Variants in QTRT1 observed in about 807,000 individuals in gnomAD.
QTRT1 encodes the protein queuine tRNA-ribosyltransferase catalytic subunit 1, also known as TGT, 43-KD subunit.
Under a neutral mutation model 44.0 loss-of-function variants are expected in QTRT1, and 41 were observed. The ratio of observed to expected loss-of-function variants is 0.93; its 90% confidence interval spans 0.73 to 1.21. The LOEUF (loss-of-function observed/expected upper bound fraction) is 1.21, where lower values mean the gene tolerates loss of function less well. Among genes scored for constraint, QTRT1 ranks in the 50% most tolerant of loss-of-function variants. QTRT1 has a pLI of 0.00. For synonymous variants in QTRT1, 226 were observed against 237.1 expected (o/e 0.95, Z 0.43); for missense variants, 542 against 575.8 (o/e 0.94, Z 0.60).
intron 1 of QTRT1, 35 bp from the exon 2 acceptor site, chr19:10,701,915 C>T (rs1212594021): frequency 1.2e-6 from 2 of 1,611,884 alleles, no homozygotes; most frequent in Admixed American, 1.7e-5. Context: ...GGGACGCGGT[C>T]ACCCCTAACC....
chr19:10,705,840 C>CTT (rs71164114), intron 3 of QTRT1, among the ~76,000 whole-genome samples: 1,333 of 37,676 alleles, frequency 0.035, 372 homozygotes, highest in Non-Finnish European at 0.042. Context: ...CTGGCCTGTT[C>CTT]TTTTTTTTTT....
chr19:10,707,263 C>T (rs142968410), intron 3 of QTRT1, 39 bp from the exon 4 acceptor site: 24,065 of 1,602,566 alleles, frequency 0.015, 258 homozygotes, highest in Non-Finnish European at 0.018. Flanking sequence ...CCAAGCATTG[C>T]GGGCTTTCCC....
rs1298391079 is a variant in QTRT1, at chr19:10,702,123, G to T, written c.320G>T (p.Gly107Val). The change falls in exon 3 of 10, where the codon GGC becomes GTC. Residue 107 changes from glycine to valine, a missense_variant. Physicochemically the swap from Gly to Val is moderately radical, Grantham distance 109. Coordinates refer to ENST00000250237, the MANE Select transcript of QTRT1 (RefSeq NM_031209.3). ...NWPHNLLTDS[G>V]GFQMVSLVSL... is the part of the protein sequence containing the mutation. ...CGGTGGGGTTTCCCTTAGGACAGCG[G>T]CGGTTTCCAGATGGTGTCGCTGGTG... 92 of 1,614,044 alleles carry T rather than the reference G, an allele frequency of 5.7e-5. No individual in the cohort carries two copies. Among genetic ancestry groups the T allele is most frequent in the Non-Finnish European group, 7.6e-5 (90 of 1,180,044 alleles).
In QTRT1 at chr19:10,713,251, T is replaced by G; in HGVS notation, c.1193T>G (p.Val398Gly). ...TGGGCCACTGACGCTCTGGCCTCTG[T>G]GGGAATCACACTGGGCTGACCTGGC... ...PTWATDALAS[V>G]GITLG Residue 398 changes from valine (V) to glycine (G), a missense_variant, in exon 10 of 10, where the codon GTG (valine) becomes GGG (glycine). Val to Gly is a moderately radical substitution (Grantham distance 109). Coordinates refer to ENST00000250237, the MANE Select transcript of QTRT1 (RefSeq NM_031209.3). This position sits in a 1 kb window ranked among gnomAD's most constrained non-coding sequence, Gnocchi z 4.3. 6.3e-7 allele frequency: 1 copy of G among 1,592,718 alleles called. No homozygotes were observed. Among genetic ancestry groups the G allele is most frequent in the Non-Finnish European group, 8.5e-7 (1 of 1,169,604 alleles).
intron 3 of QTRT1, among the ~76,000 whole-genome samples, chr19:10,706,459 G>A (rs1028264713): frequency 2.0e-5 from 3 of 151,986 alleles, no homozygotes; most frequent in Non-Finnish European, 4.4e-5. Context: ...CGCAACCTCC[G>A]TCTTCCGGGT....
At chr19:10,704,801 G>A (rs1031452551) in intron 3 of QTRT1, among the ~76,000 whole-genome samples, 6 of 151,554 alleles carry the variant, frequency 4.0e-5, no homozygotes, top group African/African-American at 1.5e-4. Flanking sequence ...TGGTCAGGCT[G>A]GTCTTGAACT....
At chr19:10,711,869 T>C in intron 5 of QTRT1, 1 of 524,548 alleles carries the variant, frequency 1.9e-6, no homozygotes, top group Non-Finnish European at 3.4e-6. Flanking sequence ...GACTGTGGGC[T>C]GTGCCTCTTC....
At position 10,710,010 on chromosome 19, in the gene QTRT1, C is replaced by CA. The variant is rs917164878; in HGVS notation, c.647-2142dup. 1.9e-4 allele frequency among the ~76,000 whole-genome samples: 28 copies of CA among 149,254 alleles called. No homozygotes were observed. In the East Asian group the frequency reaches 4.9e-3, roughly 26 times the overall value. ...TGGGCGACAGAGCAAGAATCTGTCTCAAAAAAAAAGAAAAAAAGAAAATTA... is the reference window on the plus strand; with the variant it reads ...TGGGCGACAGAGCAAGAATCTGTCTCAAAAAAAAAAGAAAAAAAGAAAATTA... On this transcript the variant is annotated intron_variant, in intron 5 of 9. Transcript: ENST00000250237.
Position 10,712,512 on chromosome 19 carries a change from C to T in QTRT1, c.786-41C>T. The T allele has an allele frequency of 1.3e-6, 2 of 1,577,620 alleles. No homozygotes were observed. The highest frequency in any genetic ancestry group is 1.7e-6 in the Non-Finnish European group (2 of 1,147,242). On this transcript the variant is annotated intron_variant, in intron 6 of 9. Transcript: ENST00000250237. This position sits in a 1 kb window ranked among gnomAD's most constrained non-coding sequence, Gnocchi z 5.6. ...GGTTGGGAGGGGCCCTGGGAAGCCC[C>T]TGAGGTTCTCTGCCCCCTCCCGTCA...
chr19:10,705,450 G>A (rs900018714), intron 3 of QTRT1, among the ~76,000 whole-genome samples: 2 of 151,798 alleles, frequency 1.3e-5, no homozygotes, highest in African/African-American at 2.4e-5. Flanking sequence ...TGTTGGCCAG[G>A]CCGGTCTCGA....
intron 5 of QTRT1, chr19:10,711,919 C>T (rs1345767300): frequency 6.7e-6 from 4 of 595,852 alleles, no homozygotes; most frequent in Non-Finnish European, 1.2e-5. Flanking sequence ...AGCAGGCACT[C>T]AATAAATGTT....
At chr19:10,707,423 G>C in intron 4 of QTRT1, 43 bp downstream of exon 4, 1 of 1,610,704 alleles carries the variant, frequency 6.2e-7, no homozygotes, top group Non-Finnish European at 8.5e-7. Context: ...GTGGTGGGAG[G>C]GGATCCTGGT....
rs2068740799 is a variant in QTRT1, at chr19:10,712,041, CTG to C, written c.647-118_647-117del. Reference sequence around the variant, plus strand: ...CGTCTCTGGCTCTGTCTGTCTGTCTCTGTCTGTTTCTCTGACTCTCTCCCTGA... The same window carrying C: ...CGTCTCTGGCTCTGTCTGTCTGTCTCTCTGTTTCTCTGACTCTCTCCCTGA... On this transcript the variant is annotated intron_variant, in intron 5 of 9. Coordinates refer to ENST00000250237, the MANE Select transcript of QTRT1 (RefSeq NM_031209.3). This position sits in a 1 kb window ranked among gnomAD's most constrained non-coding sequence, Gnocchi z 5.6. 1 of 1,266,666 alleles carries C rather than the reference CTG, an allele frequency of 7.9e-7. No homozygotes were observed. The highest frequency in any genetic ancestry group is 1.1e-6 in the Non-Finnish European group (1 of 883,456). 78.5% of individuals were successfully genotyped at this position (1,266,666 alleles called of 1,614,324 possible). A position where few individuals can be genotyped will look rare whatever the true frequency, so the allele number is the denominator to read the frequency against.
chr19:10,710,141 C>T (rs1012382487), intron 5 of QTRT1, among the ~76,000 whole-genome samples: 7 of 151,764 alleles, frequency 4.6e-5, no homozygotes, highest in Non-Finnish European at 1.0e-4. Context: ...GCTATGATGA[C>T]ATCACTGTAC....
In QTRT1 at chr19:10,712,540, G is replaced by A. The variant is rs1355054983; in HGVS notation, c.786-13G>A. 1 of 1,612,938 alleles carries A rather than the reference G, an allele frequency of 6.2e-7. No homozygotes were observed. Among genetic ancestry groups the A allele is most frequent in the Non-Finnish European group, 8.5e-7 (1 of 1,179,180 alleles). On this transcript the variant is annotated splice_polypyrimidine_tract_variant and intron_variant, in intron 6 of 9. Coordinates refer to ENST00000250237, the MANE Select transcript of QTRT1 (RefSeq NM_031209.3). The surrounding 1 kb of genome is among the most constrained non-coding windows in gnomAD (Gnocchi z 5.6). ...AGGTTCTCTGCCCCCTCCCGTCATG[G>A]CTGCAACCCCAGCTATGCCACTGAT...
chr19:10,705,673 CT>C lies in QTRT1; in HGVS notation c.452-1627del, dbSNP rs1599393879. Among the ~76,000 whole-genome samples, 3 of 150,902 alleles carry C rather than the reference CT, an allele frequency of 2.0e-5. No individual in the cohort carries two copies. The East Asian group carries it at 5.9e-4, about 30-fold the overall frequency. On this transcript the variant is annotated intron_variant, in intron 3 of 9. Transcript: ENST00000250237. ...GCCTCAGCCTCCCAAGTAGCTGGGA[CT>C]TCAGGTGCATGCCACCATGCCGGGC...
In QTRT1 at chr19:10,712,644, AAGG is replaced by A; in HGVS notation, c.861+20_861+22del. On this transcript the variant is annotated intron_variant, in intron 7 of 9. Transcript: ENST00000250237. This position sits in a 1 kb window ranked among gnomAD's most constrained non-coding sequence, Gnocchi z 5.6. ...ACGGACAGCGGTGAGGCTCTGGCAG[AAGG>A]AGGTCAGGGCGGGAGACGGGTGGGG... is the stretch of plus-strand genomic sequence containing the variant. The A allele has an allele frequency of 1.3e-6, 2 of 1,572,898 alleles. No individual in the cohort carries two copies. The highest frequency in any genetic ancestry group is 1.1e-5 in the South Asian group (1 of 90,334).
Position 10,712,184 on chromosome 19 carries a change from GGCTTC to G in QTRT1, c.673_677del (p.Phe225HisfsTer8). 6.2e-7 allele frequency: 1 copy of G among 1,613,456 alleles called. No individual in the cohort carries two copies. The highest frequency in any genetic ancestry group is 8.5e-7 in the Non-Finnish European group (1 of 1,180,040). ...AGAGATGACCAAGCGAGACGTGCCT[GGCTTC>G]GCCATCGGGGGCCTGAGCGGGGGTG... is the stretch of plus-strand genomic sequence containing the variant. On this transcript the variant is annotated frameshift_variant, in exon 6 of 10. Transcript: ENST00000250237. LOFTEE classifies it high-confidence loss of function. The surrounding 1 kb of genome is among the most constrained non-coding windows in gnomAD (Gnocchi z 5.6).
chr19:10,705,764 G>T (rs187550794), intron 3 of QTRT1, among the ~76,000 whole-genome samples: 5 of 149,310 alleles, frequency 3.3e-5, no homozygotes, highest in Non-Finnish European at 3.0e-5. Flanking sequence ...TTGAACTCCC[G>T]ATCTCAAGTG....
Sources: gnomAD v4.1 joint callset for allele counts (sites outside exome capture counted in the v4.1 genomes callset) on GRCh38, gnomAD v4.1.1 for gene constraint, Gnocchi (gnomAD v3.1) non-coding constraint, MANE v1.5 for transcripts, NCBI Gene and HGNC (gene_info 2026-07-23, HGNC 2026-07-21) for gene names.